RABGAP1L: variants seen among roughly 807,000 people sequenced by gnomAD.
RABGAP1L encodes RAB GTPase activating protein 1 like, also known as rab GTPase-activating protein 1-like.
A neutral mutation model predicts 137.7 loss-of-function variants in RABGAP1L; 63 were observed. The observed-to-expected ratio is 0.46, with a 90% confidence interval of 0.37 to 0.56. RABGAP1L has a LOEUF of 0.56. RABGAP1L is among the 20% of genes least tolerant of loss of function. The pLI, the probability that RABGAP1L is intolerant of heterozygous loss-of-function variation, is 0.00. For missense variants in RABGAP1L, 1,095 were observed against 1,244.0 expected, an observed-to-expected ratio of 0.88 and a Z score of 1.80; for synonymous variants, 431 against 433.7, an observed-to-expected ratio of 0.99 and a Z score of 0.08.
At chr1:174,796,308 A>G (rs1793320) in intron 18 of RABGAP1L, among the ~76,000 whole-genome samples, 95,810 of 152,030 alleles carry the variant, frequency 0.63, 33,435 homozygotes, top group East Asian at 0.93. Context: ...CAAAAGAAGA[A>G]TGTTCTGTGA....
chr1:174,697,141 T>G (rs574281061), intron 15 of RABGAP1L, among the ~76,000 whole-genome samples: 71 of 152,352 alleles, frequency 4.7e-4, no homozygotes, highest in African/African-American at 1.7e-3. Context: ...ATCTGTTCAG[T>G]GACTATATGT....
At chr1:174,638,586 C>T (rs1430231436) in intron 14 of RABGAP1L, among the ~76,000 whole-genome samples, 2 of 149,576 alleles carry the variant, frequency 1.3e-5, no homozygotes, top group East Asian at 2.0e-4. Flanking sequence ...CACATGCACA[C>T]GTATGTTTAT....
At chr1:174,279,204 A>G (rs1482339239) in intron 10 of RABGAP1L, among the ~76,000 whole-genome samples, 2 of 152,216 alleles carry the variant, frequency 1.3e-5, no homozygotes, top group African/African-American at 4.8e-5. Context: ...ACAATATTAT[A>G]TGAACATCTT....
Position 174,909,959 on chromosome 1 carries a change from G to A in RABGAP1L, c.2341-47498G>A, listed in dbSNP as rs555910896. On this transcript the variant is annotated intron_variant, in intron 19 of 25. Transcript: ENST00000681986. ...TCGAAACCATCCTAGCTAACACGGT[G>A]AAACCCCGTCTGTACTAAAAATACA... 6.9e-4 allele frequency among the ~76,000 whole-genome samples: 105 copies of A among 152,292 alleles called. 1 individual carries two copies. The highest frequency in any genetic ancestry group is 2.4e-3 in the African/African-American group (101 of 41,568).
At chr1:174,560,994 G>A (rs1667175405) in intron 13 of RABGAP1L, among the ~76,000 whole-genome samples, 1 of 152,164 alleles carries the variant, frequency 6.6e-6, no homozygotes, top group African/African-American at 2.4e-5. Flanking sequence ...TTACTTATGT[G>A]TGTAAATAAA....
At chr1:174,385,999 A>G (rs1686734647) in intron 12 of RABGAP1L, among the ~76,000 whole-genome samples, 1 of 150,572 alleles carries the variant, frequency 6.6e-6, no homozygotes, top group Admixed American at 6.5e-5. Flanking sequence ...GTATGTTGTT[A>G]GAAAGGATGT....
chr1:174,360,583 C>T (rs888250184), intron 11 of RABGAP1L, among the ~76,000 whole-genome samples: 11 of 152,028 alleles, frequency 7.2e-5, no homozygotes, highest in African/African-American at 2.2e-4. Flanking sequence ...ACTAATATGC[C>T]GAGCTTCAAA....
At chr1:174,882,914 C>T (rs1204884033) in intron 19 of RABGAP1L, among the ~76,000 whole-genome samples, 1 of 152,140 alleles carries the variant, frequency 6.6e-6, no homozygotes, top group Non-Finnish European at 1.5e-5. Context: ...CAACCTCCGC[C>T]TCCCAGGTTC....
chr1:174,681,027 C>G (rs1018795699), intron 14 of RABGAP1L, among the ~76,000 whole-genome samples: 16 of 152,124 alleles, frequency 1.1e-4, no homozygotes, highest in Non-Finnish European at 2.2e-4. Flanking sequence ...AAAGTCAAAA[C>G]TACAGGAATT....
At chr1:174,598,568 T>G (rs185634735) in intron 13 of RABGAP1L, among the ~76,000 whole-genome samples, 1 of 152,168 alleles carries the variant, frequency 6.6e-6, no homozygotes, top group Non-Finnish European at 1.5e-5. Flanking sequence ...AATATTTGCT[T>G]TATATATCTG....
chr1:174,264,989 T>G (rs1379510534), intron 7 of RABGAP1L, among the ~76,000 whole-genome samples: 6 of 152,210 alleles, frequency 3.9e-5, no homozygotes, highest in Non-Finnish European at 8.8e-5. Flanking sequence ...GCCCATGTTT[T>G]GTTCAACCCT....
At chr1:174,563,944 A>G (rs1667393712) in intron 13 of RABGAP1L, among the ~76,000 whole-genome samples, 1 of 152,132 alleles carries the variant, frequency 6.6e-6, no homozygotes, top group African/African-American at 2.4e-5. Context: ...ACCTCTAAAA[A>G]AAATTATGCC....
At chr1:174,560,885 A>G (rs1329942425) in intron 13 of RABGAP1L, among the ~76,000 whole-genome samples, 1 of 152,166 alleles carries the variant, frequency 6.6e-6, no homozygotes, top group Non-Finnish European at 1.5e-5. Context: ...GTTGCTTCAA[A>G]AGGACATGAT....
At chr1:174,951,016 C>G (rs961823259) in intron 19 of RABGAP1L, among the ~76,000 whole-genome samples, 9 of 152,302 alleles carry the variant, frequency 5.9e-5, no homozygotes, top group South Asian at 2.1e-4. Flanking sequence ...TAAAACTGAG[C>G]ACAGGAGAAA....
chr1:174,239,373 A>G (rs992338508), intron 4 of RABGAP1L, among the ~76,000 whole-genome samples: 1 of 152,138 alleles, frequency 6.6e-6, no homozygotes, highest in Non-Finnish European at 1.5e-5. Context: ...CAGTTATACT[A>G]GCCTCTGTAT....
At chr1:174,590,141 T>C (rs1184871004) in intron 13 of RABGAP1L, among the ~76,000 whole-genome samples, 2 of 144,274 alleles carry the variant, frequency 1.4e-5, no homozygotes, top group Non-Finnish European at 3.0e-5. Flanking sequence ...TTTTTTTTTT[T>C]TTTTTTTTTT....
At chr1:174,238,902 G>C (rs1387751426) in intron 4 of RABGAP1L, 1 of 161,674 alleles carries the variant, frequency 6.2e-6, no homozygotes, top group Non-Finnish European at 1.3e-5. Flanking sequence ...TCAGACTGCT[G>C]TGCTAGCAAT....
chr1:174,277,995 G>T (rs1473198906), intron 9 of RABGAP1L, among the ~76,000 whole-genome samples: 1 of 151,876 alleles, frequency 6.6e-6, no homozygotes, highest in Non-Finnish European at 1.5e-5. Context: ...TTGGTTATTT[G>T]GACTTTCCTT....
intron 4 of RABGAP1L, among the ~76,000 whole-genome samples, chr1:174,236,128 T>A (rs1671142350): frequency 1.1e-5 from 1 of 93,434 alleles, no homozygotes; most frequent in East Asian, 2.7e-4. Flanking sequence ...CCTTTATCAT[T>A]TTTTATTGTG....
Sources: allele counts gnomAD v4.1 joint callset (sites outside exome capture counted in the v4.1 genomes callset), GRCh38; gene constraint gnomAD v4.1.1; transcripts MANE v1.5; gene names NCBI Gene and HGNC (gene_info 2026-07-23, HGNC 2026-07-21).